The following EPHA4 variants were observed in gnomAD, a reference collection of about 807,000 sequenced individuals.
The protein encoded by EPHA4 is EPH receptor A4.
EPHA4 carries 19 observed loss-of-function variants against 108.3 expected under a neutral mutation model. The ratio of observed to expected loss-of-function variants is 0.18; its 90% CI spans 0.12 to 0.26. The LOEUF is 0.26. Among genes scored for constraint, EPHA4 ranks in the 10% least tolerant of loss-of-function variants. EPHA4 has a pLI of 1.00. For missense variants in EPHA4, 917 were observed against 1,254.0 expected (o/e 0.73, Z 4.06); for synonymous variants, 449 against 455.5 (o/e 0.99, Z 0.18).
intron 3 of EPHA4, among the ~76,000 whole-genome samples, chr2:221,560,659 C>T (rs975107566): frequency 5.9e-5 from 9 of 152,154 alleles, no homozygotes; most frequent in African/African-American, 2.2e-4. Context: ...GTTGCATGAT[C>T]TCTGAGGTGA....
chr2:221,539,643 C>T (rs1327818147), intron 3 of EPHA4, among the ~76,000 whole-genome samples: 3 of 152,094 alleles, frequency 2.0e-5, no homozygotes, highest in Non-Finnish European at 2.9e-5. Context: ...CTCCTCTCAC[C>T]GACGTTAGAG....
chr2:221,516,441 G>A (rs186903723), intron 3 of EPHA4, among the ~76,000 whole-genome samples: 185 of 146,168 alleles, frequency 1.3e-3, no homozygotes, highest in African/African-American at 4.4e-3. Flanking sequence ...TGCAACCTCC[G>A]CCTCTCAGGT....
chr2:221,484,981 C>A (rs1030623538), intron 4 of EPHA4, among the ~76,000 whole-genome samples: 1 of 152,160 alleles, frequency 6.6e-6, no homozygotes, highest in African/African-American at 2.4e-5. Flanking sequence ...TAGTGAAATC[C>A]ATTACTAGTC....
Position 221,501,006 on chromosome 2 carries a change from A to G in EPHA4, c.979+11T>C. Reference sequence around the variant, plus strand: ...GGCATCACAGGAATGAGAGACAAGCATACAACTTACGGGTGCAGGGCATAG... The same window carrying G: ...GGCATCACAGGAATGAGAGACAAGCGTACAACTTACGGGTGCAGGGCATAG... On this transcript the variant is annotated intron_variant, in intron 4 of 17. Transcript: ENST00000281821. The G allele has an allele frequency of 6.3e-7, 1 of 1,585,192 alleles. No individual in the cohort carries two copies. Among genetic ancestry groups the G allele is most frequent in the Non-Finnish European group, 8.6e-7 (1 of 1,167,388 alleles).
Position 221,501,020 on chromosome 2 carries a change from T to C in EPHA4, c.976A>G (p.Thr326Ala), listed in dbSNP as rs758506758. 1 of 1,603,330 alleles carries C rather than the reference T, an allele frequency of 6.2e-7. No individual in the cohort carries two copies. Among genetic ancestry groups the C allele is most frequent in the Admixed American group, 1.7e-5 (1 of 58,116 alleles). ...ADNDAASMPCTRPPSAPLNLI... is the reference protein window; with the variant it reads ...ADNDAASMPCARPPSAPLNLI... Reference sequence around the variant, plus strand: ...GAGAGACAAGCATACAACTTACGGGTGCAGGGCATAGAGGCAGCATCGTTG... The same window carrying C: ...GAGAGACAAGCATACAACTTACGGGCGCAGGGCATAGAGGCAGCATCGTTG... The change falls in exon 4 of 18, where the codon ACC becomes GCC. Residue 326 changes from threonine (T) to alanine (A), a missense_variant. Physicochemically the swap from Thr to Ala is moderately conservative, Grantham distance 58. Coordinates refer to ENST00000281821, the MANE Select transcript of EPHA4 (RefSeq NM_004438.5).
chr2:221,496,001 G>A (rs1005348029), intron 4 of EPHA4, among the ~76,000 whole-genome samples: 1 of 152,124 alleles, frequency 6.6e-6, no homozygotes, highest in East Asian at 1.9e-4. Context: ...AAGGGAATTG[G>A]GTTTGTCACC....
chr2:221,446,041 G>T, intron 9 of EPHA4, 82 bp downstream of exon 9: 1 of 829,780 alleles, frequency 1.2e-6, no homozygotes, highest in South Asian at 2.3e-5. Flanking sequence ...TAATAGCCAC[G>T]TAAATATTAT....
At chr2:221,570,243 A>ACCTC (rs1260118586) in intron 1 of EPHA4, among the ~76,000 whole-genome samples, 8 of 148,950 alleles carry the variant, frequency 5.4e-5, no homozygotes, top group Admixed American at 4.7e-4. Flanking sequence ...AGGGGAACAG[A>ACCTC]CCTCCCTCCC....
chr2:221,536,626 A>G (rs1693675905), intron 3 of EPHA4, among the ~76,000 whole-genome samples: 1 of 152,244 alleles, frequency 6.6e-6, no homozygotes, highest in African/African-American at 2.4e-5. Context: ...ACTTTGGTCA[A>G]TTCCCTTGTC....
chr2:221,464,556 C>T (rs557825199), intron 5 of EPHA4, among the ~76,000 whole-genome samples: 1 of 152,332 alleles, frequency 6.6e-6, no homozygotes, highest in South Asian at 2.1e-4. Context: ...CATCAAACAT[C>T]ACTTAGCAAT....
chr2:221,560,506 G>A (rs1166670131), intron 3 of EPHA4, among the ~76,000 whole-genome samples: 1 of 152,168 alleles, frequency 6.6e-6, no homozygotes, highest in African/African-American at 2.4e-5. Context: ...AAAGGAGAGA[G>A]ATGCTTCCTA....
rs183513324 is a variant in EPHA4 at position 221,430,675 on chromosome 2, C to T, written c.2497-524G>A. On this transcript the variant is annotated intron_variant, in intron 14 of 17. Coordinates refer to ENST00000281821, the MANE Select transcript of EPHA4 (RefSeq NM_004438.5). Reference sequence around the variant, plus strand: ...GTCAACACCAGAGTCCAAGTCCAGACGCCCAGCCATTTTTTCTTTTGGATT... The same window carrying T: ...GTCAACACCAGAGTCCAAGTCCAGATGCCCAGCCATTTTTTCTTTTGGATT... Among the ~76,000 whole-genome samples, 22 of 152,290 alleles carry T rather than the reference C, an allele frequency of 1.4e-4. No individual in the cohort carries two copies. In the East Asian group the frequency reaches 2.9e-3, roughly 20 times the overall value.
At chr2:221,548,648 A>T (rs569966988) in intron 3 of EPHA4, among the ~76,000 whole-genome samples, 3 of 152,160 alleles carry the variant, frequency 2.0e-5, no homozygotes, top group African/African-American at 4.8e-5. Context: ...TTGAAATATT[A>T]TGACGTACTC....
At chr2:221,554,915 C>T (rs930535948) in intron 3 of EPHA4, among the ~76,000 whole-genome samples, 2 of 152,104 alleles carry the variant, frequency 1.3e-5, no homozygotes, top group African/African-American at 2.4e-5. Context: ...AGAATTGTAT[C>T]TTTTACTTTA....
chr2:221,542,048 A>T (rs574980289), intron 3 of EPHA4, among the ~76,000 whole-genome samples: 5 of 152,364 alleles, frequency 3.3e-5, no homozygotes, highest in African/African-American at 9.6e-5. Flanking sequence ...AAGAAAATAC[A>T]TCCCTGGTTT....
chr2:221,475,557 C>T (rs1691627918), intron 5 of EPHA4, among the ~76,000 whole-genome samples: 1 of 152,184 alleles, frequency 6.6e-6, no homozygotes, highest in African/African-American at 2.4e-5. Context: ...TACTCCAGAG[C>T]AGATCAGCAA....
intron 4 of EPHA4, among the ~76,000 whole-genome samples, chr2:221,487,070 T>C (rs918981689): frequency 3.9e-5 from 6 of 152,160 alleles, no homozygotes; most frequent in Non-Finnish European, 7.4e-5. Context: ...TTGGAAAAAG[T>C]AGAAAGGGCT....
At chr2:221,490,944 T>A (rs1692123733) in intron 4 of EPHA4, among the ~76,000 whole-genome samples, 1 of 152,198 alleles carries the variant, frequency 6.6e-6, no homozygotes, top group African/African-American at 2.4e-5. Flanking sequence ...GTTTATGTGT[T>A]TTTACAACAA....
At chr2:221,515,957 A>AG (rs201720435) in intron 3 of EPHA4, among the ~76,000 whole-genome samples, 161 of 97,002 alleles carry the variant, frequency 1.7e-3, no homozygotes, top group Non-Finnish European at 2.2e-3. Context: ...TCAGATTTGA[A>AG]GGGAAAAAAA....
Sources: allele counts gnomAD v4.1 joint callset (sites outside exome capture counted in the v4.1 genomes callset), GRCh38; gene constraint gnomAD v4.1.1; transcripts MANE v1.5; gene names NCBI Gene and HGNC (gene_info 2026-07-23, HGNC 2026-07-21).